The following PPFIBP2 variants were observed in gnomAD, a reference collection of about 807,000 sequenced individuals.
PPFIBP2 encodes liprin-beta-2.
In PPFIBP2, 118 loss-of-function variants were observed where a neutral mutation model predicts 118.3. That is an observed-to-expected ratio of 1.00 (90% CI 0.86 to 1.16). PPFIBP2 has a LOEUF of 1.16. Among genes scored for constraint, PPFIBP2 ranks in the 50% most tolerant of loss-of-function variants. PPFIBP2 has a pLI of 0.00. For synonymous variants in PPFIBP2, 414 were observed against 397.4 expected (o/e 1.04, Z -0.50); for missense variants, 1,195 against 1,073.1 (o/e 1.11, Z -1.59).
chr11:7,629,111 T>G (rs1423292794), intron 9 of PPFIBP2, among the ~76,000 whole-genome samples: 5 of 152,174 alleles, frequency 3.3e-5, no homozygotes, highest in African/African-American at 1.2e-4. Context: ...TATTTTAGTC[T>G]TTTTTTGTGT....
intron 7 of PPFIBP2, among the ~76,000 whole-genome samples, chr11:7,621,894 A>T (rs187440417): frequency 6.6e-6 from 1 of 152,216 alleles, no homozygotes; most frequent in African/African-American, 2.4e-5. Context: ...TAATTATTAT[A>T]AAAACAATAA....
chr11:7,520,064 A>G (rs965462138), intron 1 of PPFIBP2, among the ~76,000 whole-genome samples: 11 of 152,320 alleles, frequency 7.2e-5, no homozygotes, highest in Admixed American at 1.3e-4. Context: ...TTTCGGCACC[A>G]GATGAAAAGT....
chr11:7,572,990 G>C (rs1044490163), intron 3 of PPFIBP2, among the ~76,000 whole-genome samples: 6 of 152,146 alleles, frequency 3.9e-5, no homozygotes, highest in African/African-American at 1.4e-4. Flanking sequence ...AGGTTGACGA[G>C]GCTGATCTTG....
At position 7,598,900 on chromosome 11, in the gene PPFIBP2, A is replaced by G. The variant is rs78255430; in HGVS notation, c.486+1227A>G. Among the ~76,000 whole-genome samples the G allele has an allele frequency of 5.7e-3, 872 of 152,326 alleles. 3 individuals carry two copies. The highest frequency in any genetic ancestry group is 0.02 in the African/African-American group (818 of 41,570). On this transcript the variant is annotated intron_variant, in intron 5 of 23. Coordinates refer to ENST00000299492, the MANE Select transcript of PPFIBP2 (RefSeq NM_003621.5). Reference sequence around the variant, plus strand: ...TTTGAGTGCCTTTGAAGAACTTTATACAAATGTAAGTCAGTGTTTTTATAT... The same window carrying G: ...TTTGAGTGCCTTTGAAGAACTTTATGCAAATGTAAGTCAGTGTTTTTATAT...
At position 7,629,494 on chromosome 11, in the gene PPFIBP2, C is replaced by G. The variant is rs528782140; in HGVS notation, c.924C>G (p.Asn308Lys). The G allele has an allele frequency of 3.8e-5, 62 of 1,614,070 alleles. No homozygotes were observed. The highest frequency in any genetic ancestry group is 4.7e-5 in the Non-Finnish European group (55 of 1,179,974). ...RRIEELTGLL[N>K]QYRKVKEIVM... ...TAGAGGAGCTTACGGGGCTGTTAAA[C>G]CAGTACCGGAAGGTAAAGGAGATTG... Residue 308 changes from asparagine (N) to lysine (K), a missense_variant, in exon 10 of 24, where the codon AAC becomes AAG. Coordinates refer to ENST00000299492, the MANE Select transcript of PPFIBP2 (RefSeq NM_003621.5).
At chr11:7,620,896 T>C (rs1849271271) in intron 6 of PPFIBP2, 39 bp from the exon 7 acceptor site, 1 of 1,462,334 alleles carries the variant, frequency 6.8e-7, no homozygotes. Flanking sequence ...AGCACATCTT[T>C]TAACCATCAG....
intron 1 of PPFIBP2, among the ~76,000 whole-genome samples, chr11:7,549,088 T>C (rs1474612941): frequency 6.6e-6 from 1 of 152,232 alleles, no homozygotes; most frequent in African/African-American, 2.4e-5. Flanking sequence ...GCTGCTCTCC[T>C]ACGCCACTTA....
rs1406461003 is a variant in PPFIBP2, at chr11:7,634,610, G to C, written c.1194+58G>C. 11 of 1,357,710 alleles carry C rather than the reference G, an allele frequency of 8.1e-6. No individual in the cohort carries two copies. In the South Asian group the frequency reaches 8.2e-5, roughly 10 times the overall value. The allele number at this position is 1,357,710 out of a possible 1,614,324, so 84.1% of individuals were successfully genotyped here. A position where few individuals can be genotyped will look rare whatever the true frequency, so the allele number is the denominator to read the frequency against. Reference sequence around the variant, plus strand: ...GAGTTACTTTTTTGGGCCTAGCATAGTACTGGGATATACAGGCAGGTCCTG... The same window carrying C: ...GAGTTACTTTTTTGGGCCTAGCATACTACTGGGATATACAGGCAGGTCCTG... On this transcript the variant is annotated intron_variant, in intron 13 of 23. Transcript: ENST00000299492.
At chr11:7,650,087 G>C (rs150041127) in intron 21 of PPFIBP2, among the ~76,000 whole-genome samples, 1 of 152,260 alleles carries the variant, frequency 6.6e-6, no homozygotes, top group East Asian at 1.9e-4. Flanking sequence ...TCCAGGCCCA[G>C]GTACAGGGGA....
rs971013579 is a variant in PPFIBP2 at position 7,651,303 on chromosome 11, A to G, written c.2247+338A>G. The G allele has an allele frequency of 5.0e-5, 17 of 337,078 alleles. No homozygotes were observed. The South Asian group carries it at 8.0e-4, about 16-fold the overall frequency. The allele number at this position is 337,078 out of a possible 1,614,324, so 20.9% of individuals were successfully genotyped here. On this transcript the variant is annotated intron_variant, in intron 22 of 23. Transcript: ENST00000299492. ...AAAATGCAGCTTCCCACTTGCTGCA[A>G]TAGGATCCCTATCACTACTCAGATC...
chr11:7,593,803 G>T (rs1859790284), intron 4 of PPFIBP2, among the ~76,000 whole-genome samples: 1 of 152,202 alleles, frequency 6.6e-6, no homozygotes, highest in Non-Finnish European at 1.5e-5. Flanking sequence ...CTTTTTCGCT[G>T]TTGAAAGTTT....
At chr11:7,593,292 A>AGG in intron 4 of PPFIBP2, 68 bp downstream of exon 4, 1 of 1,559,250 alleles carries the variant, frequency 6.4e-7, no homozygotes, top group Non-Finnish European at 8.7e-7. Flanking sequence ...CCTAAGTGGA[A>AGG]GGGAAGCCCA....
chr11:7,559,571 G>T (rs954567691), intron 2 of PPFIBP2, among the ~76,000 whole-genome samples: 1 of 152,130 alleles, frequency 6.6e-6, no homozygotes, highest in Non-Finnish European at 1.5e-5. Context: ...AGGCCTGTAG[G>T]CTTGATGTCT....
At chr11:7,549,649 T>C in intron 2 of PPFIBP2, 110 bp downstream of exon 2, 6 of 1,141,120 alleles carry the variant, frequency 5.3e-6, no homozygotes, top group Non-Finnish European at 6.1e-6. Flanking sequence ...TCCCCTTTTG[T>C]TATATTTATT....
chr11:7,593,295 G>A, intron 4 of PPFIBP2, 71 bp downstream of exon 4: 1 of 1,552,358 alleles, frequency 6.4e-7, no homozygotes, highest in Non-Finnish European at 8.7e-7. Context: ...AAGTGGAAGG[G>A]AAGCCCAAGA....
chr11:7,649,690 G>C (rs758339883), intron 21 of PPFIBP2, 36 bp downstream of exon 21: 61 of 1,612,190 alleles, frequency 3.8e-5, no homozygotes, highest in Non-Finnish European at 5.1e-5. Flanking sequence ...AGGTAGCCCT[G>C]AGCCAGGACC....
intron 2 of PPFIBP2, among the ~76,000 whole-genome samples, chr11:7,556,882 C>G (rs1853701215): frequency 6.6e-6 from 1 of 152,126 alleles, no homozygotes; most frequent in African/African-American, 2.4e-5. Context: ...TCTTATTTAT[C>G]TTTGGTGTTC....
chr11:7,518,018 G>A (rs1198417461), intron 1 of PPFIBP2, among the ~76,000 whole-genome samples: 4 of 152,236 alleles, frequency 2.6e-5, no homozygotes, highest in Non-Finnish European at 4.4e-5. Flanking sequence ...TGAAACAGGC[G>A]CCAGGTGGAG....
At chr11:7,589,016 GA>G in intron 3 of PPFIBP2, among the ~76,000 whole-genome samples, 1 of 152,306 alleles carries the variant, frequency 6.6e-6, no homozygotes, top group East Asian at 1.9e-4. Flanking sequence ...AAATAGCTCT[GA>G]CCATTTGAAT....
Sources: gnomAD v4.1 joint callset for allele counts (sites outside exome capture counted in the v4.1 genomes callset) on GRCh38, gnomAD v4.1.1 for gene constraint, MANE v1.5 for transcripts, NCBI Gene and HGNC (gene_info 2026-07-23, HGNC 2026-07-21) for gene names.